USP48: variants seen among roughly 807,000 people sequenced by gnomAD.
The protein encoded by USP48 is ubiquitin carboxyl-terminal hydrolase 48.
In USP48, 43 loss-of-function variants were observed where a neutral mutation model predicts 150.7. The observed-to-expected ratio is 0.29, with a 90% confidence interval of 0.22 to 0.37. The LOEUF (loss-of-function observed/expected upper bound fraction) is 0.37. USP48 is among the 10% of genes least tolerant of loss of function. The probability of loss-of-function intolerance (pLI) is 1.00; values close to 1 mark genes in which losing one functional copy is unlikely to be tolerated. For missense variants in USP48, 813 were observed against 1,249.6 expected, an observed-to-expected ratio of 0.65 and a Z score of 5.27; for synonymous variants, 396 against 425.9, an observed-to-expected ratio of 0.93 and a Z score of 0.86.
chr1:21,768,695 T>G (rs2097869726), intron 1 of USP48: 1 of 131,710 alleles, frequency 7.6e-6, no homozygotes, highest in South Asian at 2.5e-4. Context: ...CCTTCTAGGA[T>G]CTCAGTCACC....
intron 14 of USP48, among the ~76,000 whole-genome samples, chr1:21,720,449 T>C (rs939162675): frequency 6.6e-6 from 1 of 152,224 alleles, no homozygotes; most frequent in Non-Finnish European, 1.5e-5. Flanking sequence ...TTGTGAGAGC[T>C]TGTAGTTTAA....
In USP48 at chr1:21,783,124, C is replaced by G; in HGVS notation, c.-167G>C. 1 of 1,071,680 alleles carries G rather than the reference C, an allele frequency of 9.3e-7. No individual in the cohort carries two copies. Among genetic ancestry groups the G allele is most frequent in the Admixed American group, 4.3e-5 (1 of 23,400 alleles). The allele number at this position is 1,071,680 out of a possible 1,614,324, so 66.4% of individuals were successfully genotyped here. A position where few individuals can be genotyped will look rare whatever the true frequency, so the allele number is the denominator to read the frequency against. ...GCGCGCCACTGCCGCCGCGCCCGCC[C>G]GCGCCCGACCCGCACGACCGGCCGC... On this transcript the variant is annotated 5_prime_UTR_variant, in exon 1 of 27. Coordinates refer to ENST00000308271, the MANE Select transcript of USP48 (RefSeq NM_032236.8).
In USP48 at chr1:21,706,684, T is replaced by TG. The variant is rs953583021; in HGVS notation, c.2088+59dup. On this transcript the variant is annotated intron_variant, in intron 16 of 26. Coordinates refer to ENST00000308271, the MANE Select transcript of USP48 (RefSeq NM_032236.8). ...GTCAGAAGTACAGTGTTAATTCCCC[T>TG]GGGAAGTCAACCCAGGGAGGTGGCA... 4.1e-5 allele frequency: 66 copies of TG among 1,610,552 alleles called. No individual in the cohort carries two copies. The African/African-American group carries it at 7.1e-4, about 17-fold the overall frequency.
At chr1:21,758,994 G>A (rs193190503) in intron 1 of USP48, among the ~76,000 whole-genome samples, 9 of 152,066 alleles carry the variant, frequency 5.9e-5, no homozygotes, top group African/African-American at 2.2e-4. Flanking sequence ...CCAACATGGT[G>A]AAACCCTGTC....
intron 3 of USP48, among the ~76,000 whole-genome samples, chr1:21,754,002 A>G (rs928546923): frequency 7.9e-5 from 12 of 151,770 alleles, no homozygotes; most frequent in Non-Finnish European, 1.6e-4. Context: ...CTCTATTAAA[A>G]ATACAAAAAT....
At position 21,707,219 on chromosome 1, in the gene USP48, T is replaced by G. The variant is rs897283589; in HGVS notation, c.1964-351A>C. Among the ~76,000 whole-genome samples the G allele has an allele frequency of 6.6e-5, 10 of 152,206 alleles. No individual in the cohort carries two copies. In the South Asian group the frequency reaches 1.9e-3, roughly 28 times the overall value. On this transcript the variant is annotated intron_variant, in intron 15 of 26. Coordinates refer to ENST00000308271, the MANE Select transcript of USP48 (RefSeq NM_032236.8). ...ATGGGATTCCAGGAGTCCTGGGACC[T>G]CTGTGCCATGGCAAGCGCTGCTTAA...
At chr1:21,704,776 C>T (rs2097667378) in intron 19 of USP48, among the ~76,000 whole-genome samples, 1 of 151,442 alleles carries the variant, frequency 6.6e-6, no homozygotes. Flanking sequence ...AAATTCAGTA[C>T]AGTGGTTAGT....
At chr1:21,746,457 C>CAT (rs2097794765) in intron 8 of USP48, among the ~76,000 whole-genome samples, 1 of 152,014 alleles carries the variant, frequency 6.6e-6, no homozygotes, top group African/African-American at 2.4e-5. Flanking sequence ...CTCAAAAATA[C>CAT]ATACATACAT....
chr1:21,759,493 A>C (rs2097845110), intron 1 of USP48, among the ~76,000 whole-genome samples: 1 of 152,210 alleles, frequency 6.6e-6, no homozygotes, highest in African/African-American at 2.4e-5. Flanking sequence ...CACTAAAAGA[A>C]TCCCGTGCTC....
At position 21,729,871 on chromosome 1, in the gene USP48, C is replaced by T. The variant is rs2097752085; in HGVS notation, c.1172-39G>A. 5.0e-6 allele frequency: 8 copies of T among 1,612,952 alleles called. No homozygotes were observed. In the Admixed American group the frequency reaches 1.0e-4, roughly 20 times the overall value. ...ATCAAAAGGTACCTTAACTTAAGTG[C>T]CTAGAGTTTGTTTATTCTTTAGCGG... On this transcript the variant is annotated intron_variant, in intron 9 of 26. Transcript: ENST00000308271.
chr1:21,734,211 G>A (rs333181), intron 9 of USP48, among the ~76,000 whole-genome samples: 1 of 151,936 alleles, frequency 6.6e-6, no homozygotes, highest in Non-Finnish European at 1.5e-5. Context: ...GCAACCTGGG[G>A]AACCCAGGGA....
chr1:21,754,755 C>T (rs569951720), intron 3 of USP48, among the ~76,000 whole-genome samples: 8 of 152,288 alleles, frequency 5.3e-5, no homozygotes, highest in African/African-American at 1.9e-4. Context: ...TCCAGTGAGG[C>T]ATTTCCTCTC....
intron 15 of USP48, among the ~76,000 whole-genome samples, chr1:21,712,210 T>C (rs1281297631): frequency 6.6e-6 from 1 of 152,046 alleles, no homozygotes; most frequent in African/African-American, 2.4e-5. Context: ...AATACAAAAA[T>C]TAACTGGGAG....
intron 9 of USP48, chr1:21,732,542 A>G (rs2097759478): frequency 6.0e-6 from 1 of 165,342 alleles, no homozygotes; most frequent in African/African-American, 2.4e-5. Context: ...TGTTTAATAA[A>G]ATTTATAACA....
chr1:21,687,040 T>A, intron 25 of USP48, 151 bp downstream of exon 25: 1 of 702,676 alleles, frequency 1.4e-6, no homozygotes, highest in Non-Finnish European at 2.4e-6. Context: ...CTTTCTATGA[T>A]CTTTTAAGAT....
chr1:21,721,598 C>T lies in USP48; in HGVS notation c.1763+52G>A, dbSNP rs1218679817. 5.2e-6 allele frequency: 6 copies of T among 1,143,998 alleles called. No homozygotes were observed. In the African/African-American group the frequency reaches 9.4e-5, roughly 18 times the overall value. The allele number at this position is 1,143,998 out of a possible 1,614,324, so 70.9% of individuals were successfully genotyped here. On this transcript the variant is annotated intron_variant, in intron 13 of 26. Coordinates refer to ENST00000308271, the MANE Select transcript of USP48 (RefSeq NM_032236.8). ...TAAATAACGAGATGCTTGGTTATGA[C>T]CTCTTGAAAACTTCTTAGTTTATCA...
chr1:21,757,039 C>T (rs1425693573), intron 2 of USP48: 4 of 964,364 alleles, frequency 4.1e-6, no homozygotes, highest in Non-Finnish European at 4.9e-6. Context: ...TTCTGTATTT[C>T]TAAACTGCCA....
In USP48 at chr1:21,694,471, T is replaced by TGAGGCAGAGAACTGCTTGAACCCGG. The variant is rs1244367063; in HGVS notation, c.2883+570_2883+594dup. 2.1e-4 allele frequency among the ~76,000 whole-genome samples: 31 copies of TGAGGCAGAGAACTGCTTGAACCCGG among 147,348 alleles called. No individual in the cohort carries two copies. The East Asian group carries it at 6.2e-3, about 29-fold the overall frequency. On this transcript the variant is annotated intron_variant, in intron 23 of 26. Coordinates refer to ENST00000308271, the MANE Select transcript of USP48 (RefSeq NM_032236.8). ...CTGTAATCCCAGCTACTCAGGAGGC[T>TGAGGCAGAGAACTGCTTGAACCCGG]GAGGCAGAGAACTGCTTGAACCCGG... is the stretch of plus-strand genomic sequence containing the variant.
chr1:21,725,645 C>T (rs1316552407), intron 11 of USP48, among the ~76,000 whole-genome samples: 2 of 151,348 alleles, frequency 1.3e-5, no homozygotes, highest in African/African-American at 2.4e-5. Context: ...ACCAGCTATT[C>T]GGGAGGCTGA....
Sources: allele counts gnomAD v4.1 joint callset (sites outside exome capture counted in the v4.1 genomes callset), GRCh38; gene constraint gnomAD v4.1.1; transcripts MANE v1.5; gene names NCBI Gene and HGNC (gene_info 2026-07-23, HGNC 2026-07-21).